The following KAT6B variants were observed in gnomAD, a reference collection of about 807,000 sequenced individuals.
KAT6B encodes histone acetyltransferase KAT6B.
In KAT6B, 10 loss-of-function variants were observed where a neutral mutation model predicts 187.5. That is an observed-to-expected ratio of 0.05 (90% confidence interval 0.03 to 0.09). KAT6B has a LOEUF of 0.09. Ranked by LOEUF, KAT6B falls within the 10% of genes least tolerant of loss-of-function variation. KAT6B has a pLI of 1.00. For synonymous variants in KAT6B, 861 were observed against 926.8 expected, an observed-to-expected ratio of 0.93 and a Z score of 1.29; for missense variants, 1,952 against 2,558.9, an observed-to-expected ratio of 0.76 and a Z score of 5.12.
chr10:75,012,087 T>C (rs1372131448), intron 13 of KAT6B, among the ~76,000 whole-genome samples: 1 of 152,188 alleles, frequency 6.6e-6, no homozygotes, highest in African/African-American at 2.4e-5. Flanking sequence ...TGTGGCTTTT[T>C]AAAGCCCCAA....
intron 3 of KAT6B, among the ~76,000 whole-genome samples, chr10:74,942,138 A>C (rs1849714010): frequency 6.6e-6 from 1 of 152,166 alleles, no homozygotes; most frequent in Admixed American, 6.5e-5. Context: ...CGACAGAGTG[A>C]GATTTTGTCT....
chr10:74,951,880 A>C (rs371682226), intron 3 of KAT6B, among the ~76,000 whole-genome samples: 1 of 152,240 alleles, frequency 6.6e-6, no homozygotes, highest in Non-Finnish European at 1.5e-5. Flanking sequence ...CCAGTTCCCA[A>C]CTTCAGAGCA....
At chr10:74,961,739 A>T (rs1210644607) in intron 4 of KAT6B, among the ~76,000 whole-genome samples, 2 of 152,166 alleles carry the variant, frequency 1.3e-5, no homozygotes, top group African/African-American at 4.8e-5. Context: ...GGTCACTGAA[A>T]ATTTCTTTCC....
At chr10:75,025,302 G>A in intron 17 of KAT6B, 53 bp downstream of exon 17, 1 of 1,591,662 alleles carries the variant, frequency 6.3e-7, no homozygotes, top group Non-Finnish European at 8.6e-7. Flanking sequence ...GTATCTGACT[G>A]GGTGCCAAAG....
chr10:74,858,532 C>T (rs888978527), intron 3 of KAT6B, among the ~76,000 whole-genome samples: 5 of 152,056 alleles, frequency 3.3e-5, no homozygotes, highest in Non-Finnish European at 7.4e-5. Flanking sequence ...CCCACCTTGG[C>T]CTCCCAAAGT....
chr10:74,955,135 A>G, intron 3 of KAT6B, among the ~76,000 whole-genome samples: 1 of 152,168 alleles, frequency 6.6e-6, no homozygotes, highest in East Asian at 1.9e-4. Context: ...TATACTTTAA[A>G]TCATTTCTAG....
intron 13 of KAT6B, among the ~76,000 whole-genome samples, chr10:74,998,376 A>G (rs1361206813): frequency 1.3e-5 from 2 of 152,140 alleles, no homozygotes; most frequent in African/African-American, 4.8e-5. Context: ...TAAATAGTGG[A>G]CTTCTCTTTT....
intron 3 of KAT6B, among the ~76,000 whole-genome samples, chr10:74,952,141 G>T (rs980698730): frequency 2.0e-5 from 3 of 152,136 alleles, no homozygotes; most frequent in Admixed American, 6.5e-5. Context: ...GATTGCTTGA[G>T]CTTAGGAGTT....
In KAT6B at chr10:75,030,417, C is replaced by T. The variant is rs770424556; in HGVS notation, c.5593C>T (p.Pro1865Ser). The change falls in exon 18 of 18, where the codon CCA becomes TCA. Residue 1865 changes from proline (P) to serine (S), a missense_variant. By Grantham distance (74) the Pro-to-Ser change is moderately conservative (BLOSUM62 -1). This residue lies in a region of KAT6B where 358 missense variants were observed against 436.3 expected (regional missense o/e 0.82). Transcript: ENST00000287239. This position sits in a 1 kb window ranked among gnomAD's most constrained non-coding sequence, Gnocchi z 4.8. Reference sequence around the variant, plus strand: ...AGGGCTTGTTCAACTTTCTCAGTCTCCACACTCCGTCCCTGGGGGACCCCA... The same window carrying T: ...AGGGCTTGTTCAACTTTCTCAGTCTTCACACTCCGTCCCTGGGGGACCCCA... The part of the protein sequence containing the change: ...NTGLVQLSQS[P>S]HSVPGGPQAQ... The T allele has an allele frequency of 1.9e-6, 3 of 1,614,244 alleles. No individual in the cohort carries two copies. The highest frequency in any genetic ancestry group is 1.1e-5 in the South Asian group (1 of 91,086).
intron 9 of KAT6B, among the ~76,000 whole-genome samples, chr10:74,978,958 G>T (rs1410348122): frequency 1.3e-5 from 2 of 152,114 alleles, no homozygotes; most frequent in South Asian, 2.1e-4. Context: ...GTTTCTTAGG[G>T]TATTCGTTTG....
chr10:74,965,590 C>T (rs1311722157), intron 4 of KAT6B, among the ~76,000 whole-genome samples: 1 of 152,030 alleles, frequency 6.6e-6, no homozygotes, highest in Non-Finnish European at 1.5e-5. Context: ...TAAATTACTA[C>T]AGACTTAGTG....
intron 4 of KAT6B, 138 bp downstream of exon 4, chr10:74,960,216 AAAGT>A (rs1841002570): frequency 5.6e-6 from 4 of 715,166 alleles, no homozygotes; most frequent in Admixed American, 4.4e-5. Flanking sequence ...TTTAAAAGAA[AAAGT>A]AAGGAATAGA....
At chr10:74,958,732 G>T (rs1840863445) in intron 3 of KAT6B, among the ~76,000 whole-genome samples, 1 of 151,944 alleles carries the variant, frequency 6.6e-6, no homozygotes, top group Non-Finnish European at 1.5e-5. Context: ...ATGTTTTGTT[G>T]TTTCTTATAT....
rs1353492860 is a variant in KAT6B at position 74,955,386 on chromosome 10, C to A, written c.622-4584C>A. 3.7e-5 allele frequency among the ~76,000 whole-genome samples: 5 copies of A among 136,246 alleles called. 1 individual carries two copies. The highest frequency in any genetic ancestry group is 1.1e-4 in the African/African-American group (4 of 37,326). The allele number at this position is 136,246 out of a possible 152,430, so 89.4% of individuals were successfully genotyped here. On this transcript the variant is annotated intron_variant, in intron 3 of 17. Transcript: ENST00000287239. ...AGAGTAAAGGGACACAATTTTATCC[C>A]CCCCCCCCCAACTTTTTGTTTGGAA...
intron 13 of KAT6B, among the ~76,000 whole-genome samples, chr10:74,999,104 G>T (rs1324719789): frequency 6.6e-6 from 1 of 152,058 alleles, no homozygotes; most frequent in African/African-American, 2.4e-5. Flanking sequence ...TATACTTTTT[G>T]CTGTAACTAA....
rs1302594836 is a variant in KAT6B, at chr10:74,930,407, T to A, written c.622-29563T>A. 2.0e-5 allele frequency among the ~76,000 whole-genome samples: 3 copies of A among 152,226 alleles called. 1 individual carries two copies. The highest frequency in any genetic ancestry group is 2.0e-4 in the Admixed American group (3 of 15,284). ...GATTGGAGTTTTGTGGGCAAAATAT[T>A]TAACAAGAATTGTATTTAACTTACC... is the stretch of plus-strand genomic sequence containing the variant. On this transcript the variant is annotated intron_variant, in intron 3 of 17. Coordinates refer to ENST00000287239, the MANE Select transcript of KAT6B (RefSeq NM_012330.4).
intron 3 of KAT6B, among the ~76,000 whole-genome samples, chr10:74,914,122 A>G (rs936997815): frequency 6.6e-6 from 1 of 151,690 alleles, no homozygotes; most frequent in African/African-American, 2.4e-5. Flanking sequence ...GGAGGCAGAC[A>G]TTGCAGTGGG....
At chr10:74,940,213 A>C (rs755843036) in intron 3 of KAT6B, among the ~76,000 whole-genome samples, 9 of 152,158 alleles carry the variant, frequency 5.9e-5, no homozygotes. Context: ...AAATCAACAA[A>C]ATAGTGCTCA....
At chr10:74,977,079 A>T (rs544155265) in intron 8 of KAT6B, 40 of 423,586 alleles carry the variant, frequency 9.4e-5, no homozygotes, top group Admixed American at 2.5e-4. Flanking sequence ...TTTCCCTCAT[A>T]TATTTATTAA....
Sources: gnomAD v4.1 joint callset for allele counts (sites outside exome capture counted in the v4.1 genomes callset) on GRCh38, gnomAD v4.1.1 for gene constraint, gnomAD v4.1.1 regional missense constraint, Gnocchi (gnomAD v3.1) non-coding constraint, MANE v1.5 for transcripts, NCBI Gene and HGNC (gene_info 2026-07-23, HGNC 2026-07-21) for gene names.